Variants in LAPTM4B observed in about 807,000 individuals in gnomAD.
LAPTM4B encodes lysosomal protein transmembrane 4 beta.
In LAPTM4B, 26 loss-of-function variants were observed where a neutral mutation model predicts 28.5. The ratio of observed to expected loss-of-function variants is 0.91; its 90% CI spans 0.67 to 1.27. The LOEUF is 1.27. Among genes scored for constraint, LAPTM4B ranks in the 50% most tolerant of loss-of-function variants. The probability of loss-of-function intolerance (pLI) is 0.00; values close to 1 mark genes in which losing one functional copy is unlikely to be tolerated. For missense variants in LAPTM4B, 288 were observed against 285.8 expected, an observed-to-expected ratio of 1.01 and a Z score of -0.06; for synonymous variants, 109 against 106.4, an observed-to-expected ratio of 1.02 and a Z score of -0.15.
chr8:97,817,701 C>T (rs945666973), intron 4 of LAPTM4B, among the ~76,000 whole-genome samples: 2 of 151,794 alleles, frequency 1.3e-5, no homozygotes, highest in Non-Finnish European at 2.9e-5. Context: ...CCACCCTCAT[C>T]GGCCTCCCAG....
intron 6 of LAPTM4B, among the ~76,000 whole-genome samples, chr8:97,829,236 C>A (rs531494477): frequency 1.2e-4 from 18 of 152,186 alleles, no homozygotes; most frequent in African/African-American, 3.9e-4. Flanking sequence ...CTACAAGTAG[C>A]CATTCACTGT....
intron 1 of LAPTM4B, among the ~76,000 whole-genome samples, chr8:97,802,586 C>T (rs1018987854): frequency 4.6e-5 from 7 of 152,132 alleles, no homozygotes; most frequent in Non-Finnish European, 1.0e-4. Context: ...CGACCTGTAC[C>T]TTGCACCGAC....
chr8:97,841,604 A>G (rs1481996625), intron 6 of LAPTM4B, among the ~76,000 whole-genome samples: 1 of 152,244 alleles, frequency 6.6e-6, no homozygotes, highest in Non-Finnish European at 1.5e-5. Context: ...CTGGGATTAC[A>G]GGCGTGAGCC....
At chr8:97,815,918 A>G (rs1563612530) in intron 3 of LAPTM4B, 140 bp from the exon 4 acceptor site, 1 of 735,152 alleles carries the variant, frequency 1.4e-6, no homozygotes, top group Admixed American at 3.1e-5. Context: ...TATATTTGGC[A>G]TACTGGTTTC....
At chr8:97,844,993 T>TC (rs1387666781) in intron 6 of LAPTM4B, among the ~76,000 whole-genome samples, 1 of 152,102 alleles carries the variant, frequency 6.6e-6, no homozygotes, top group Non-Finnish European at 1.5e-5. Context: ...CGTCACTCCC[T>TC]CCCCCATCCT....
intron 4 of LAPTM4B, 36 bp from the exon 5 acceptor site, chr8:97,819,104 A>G: frequency 8.1e-7 from 1 of 1,233,788 alleles, no homozygotes; most frequent in Non-Finnish European, 1.2e-6. Context: ...TGGAATGATT[A>G]ATGAGATTTG....
intron 6 of LAPTM4B, among the ~76,000 whole-genome samples, chr8:97,845,519 G>T (rs929385701): frequency 2.6e-5 from 4 of 152,030 alleles, no homozygotes; most frequent in African/African-American, 9.7e-5. Flanking sequence ...GGCCAGACAA[G>T]GGGCCACACA....
intron 2 of LAPTM4B, among the ~76,000 whole-genome samples, chr8:97,812,206 GTT>G (rs144651693): frequency 2.6e-5 from 2 of 78,382 alleles, no homozygotes; most frequent in East Asian, 1.2e-3. Flanking sequence ...TTAATTATTT[GTT>G]TTTTTTTTGT....
At chr8:97,817,038 C>G (rs1044045963) in intron 4 of LAPTM4B, among the ~76,000 whole-genome samples, 4 of 152,180 alleles carry the variant, frequency 2.6e-5, no homozygotes, top group African/African-American at 9.6e-5. Context: ...TCTCAAGCAT[C>G]ATTTTGGGAC....
intron 1 of LAPTM4B, among the ~76,000 whole-genome samples, chr8:97,794,080 A>C (rs1184932832): frequency 6.6e-6 from 1 of 152,110 alleles, no homozygotes; most frequent in Non-Finnish European, 1.5e-5. Flanking sequence ...TCTGGGTTCA[A>C]ACTGTTCTCC....
At chr8:97,809,978 T>G (rs1423346020) in intron 2 of LAPTM4B, among the ~76,000 whole-genome samples, 1 of 152,080 alleles carries the variant, frequency 6.6e-6, no homozygotes, top group African/African-American at 2.4e-5. Flanking sequence ...CAGGCTGGAG[T>G]GCAGTGTCGC....
chr8:97,813,459 C>T (rs1238409541), intron 2 of LAPTM4B, among the ~76,000 whole-genome samples: 1 of 46,850 alleles, frequency 2.1e-5, no homozygotes, highest in African/African-American at 5.8e-5. Context: ...GGTGGGTCTT[C>T]GTCTCCCAGT....
At chr8:97,777,918 C>T (rs972516009) in intron 1 of LAPTM4B, among the ~76,000 whole-genome samples, 2 of 152,134 alleles carry the variant, frequency 1.3e-5, no homozygotes, top group African/African-American at 4.8e-5. Flanking sequence ...TCAAATCTGC[C>T]GACTTGCAAG....
At chr8:97,850,974 A>G (rs1467807823) in intron 6 of LAPTM4B, among the ~76,000 whole-genome samples, 1 of 150,616 alleles carries the variant, frequency 6.6e-6, no homozygotes, top group Non-Finnish European at 1.5e-5. Context: ...TGACTGACCC[A>G]GGCTTTGAAT....
intron 6 of LAPTM4B, among the ~76,000 whole-genome samples, chr8:97,832,696 A>ATTTTATTTTAT (rs1554592887): frequency 3.5e-5 from 5 of 144,720 alleles, no homozygotes; most frequent in East Asian, 2.0e-4. Context: ...ATTTTATTTT[A>ATTTTATTTTAT]TTTTATTTTT....
intron 2 of LAPTM4B, among the ~76,000 whole-genome samples, chr8:97,813,753 AT>A (rs1816862344): frequency 6.6e-6 from 1 of 152,094 alleles, no homozygotes; most frequent in South Asian, 2.1e-4. Flanking sequence ...TCAGGATGTG[AT>A]TTGCAATTTA....
rs967613501 is a variant in LAPTM4B at position 97,777,146 on chromosome 8, T to G, written c.99+1038T>G. Reference sequence around the variant, plus strand: ...AACTTTTTTCAGTGAGGTTTTTTTTTTTTTTTTTTTTTTTTTTTGAGACAG... The same window carrying G: ...AACTTTTTTCAGTGAGGTTTTTTTTGTTTTTTTTTTTTTTTTTTGAGACAG... On this transcript the variant is annotated intron_variant, in intron 1 of 6. Transcript: ENST00000521545. Among the ~76,000 whole-genome samples, 974 of 132,792 alleles carry G rather than the reference T, an allele frequency of 7.3e-3. 15 individuals carry two copies. The highest frequency in any genetic ancestry group is 0.027 in the African/African-American group (933 of 34,800). The allele number at this position is 132,792 out of a possible 152,430, so 87.1% of individuals were successfully genotyped here. A position where few individuals can be genotyped will look rare whatever the true frequency, so the allele number is the denominator to read the frequency against.
chr8:97,793,383 G>C (rs945698561), intron 1 of LAPTM4B, among the ~76,000 whole-genome samples: 12 of 151,902 alleles, frequency 7.9e-5, no homozygotes, highest in African/African-American at 2.9e-4. Context: ...CTCGCCCCCA[G>C]CACTCATTTA....
At chr8:97,794,370 C>T (rs955464720) in intron 1 of LAPTM4B, among the ~76,000 whole-genome samples, 9 of 152,206 alleles carry the variant, frequency 5.9e-5, no homozygotes, top group South Asian at 2.1e-4. Flanking sequence ...CTTCAGCCTC[C>T]GAAAGTGCTG....
Sources: gnomAD v4.1 joint callset for allele counts (sites outside exome capture counted in the v4.1 genomes callset) on GRCh38, gnomAD v4.1.1 for gene constraint, MANE v1.5 for transcripts, NCBI Gene and HGNC (gene_info 2026-07-23, HGNC 2026-07-21) for gene names.